Variants in GRID2 observed in about 807,000 individuals in gnomAD.
GRID2 encodes the protein glutamate receptor ionotropic, delta-2.
GRID2 carries 33 observed loss-of-function variants against 114.8 expected under a neutral mutation model. The observed-to-expected ratio is 0.29, with a 90% CI of 0.22 to 0.38. GRID2 has a LOEUF of 0.38. Among genes scored for constraint, GRID2 ranks in the 10% least tolerant of loss-of-function variants. The pLI is 1.00. For synonymous variants in GRID2, 505 were observed against 449.9 expected, an observed-to-expected ratio of 1.12 and a Z score of -1.55; for missense variants, 1,184 against 1,257.7, an observed-to-expected ratio of 0.94 and a Z score of 0.89.
intron 1 of GRID2, among the ~76,000 whole-genome samples, chr4:92,344,822 T>C (rs1727684315): frequency 1.3e-5 from 2 of 152,178 alleles, no homozygotes. Flanking sequence ...CCATCTTCTG[T>C]TTATTAGAAG....
intron 4 of GRID2, among the ~76,000 whole-genome samples, chr4:93,112,453 G>T (rs1045695817): frequency 2.0e-5 from 3 of 152,066 alleles, no homozygotes; most frequent in Non-Finnish European, 4.4e-5. Flanking sequence ...CATGAGATCT[G>T]ATTGTTTAAA....
chr4:92,752,215 G>T (rs1578144022), intron 2 of GRID2, among the ~76,000 whole-genome samples: 1 of 152,264 alleles, frequency 6.6e-6, no homozygotes, highest in East Asian at 1.9e-4. Flanking sequence ...TCAGTAGTGA[G>T]AAAGTCAAGC....
intron 2 of GRID2, among the ~76,000 whole-genome samples, chr4:92,688,066 T>TG (rs1734007206): frequency 7.4e-6 from 1 of 134,956 alleles, no homozygotes; most frequent in Non-Finnish European, 1.6e-5. Flanking sequence ...TTTTTTTTTT[T>TG]GGGATGGAGT....
intron 8 of GRID2, among the ~76,000 whole-genome samples, chr4:93,340,240 C>CTTTTTT (rs33924908): frequency 7.2e-6 from 1 of 139,770 alleles, no homozygotes; most frequent in Non-Finnish European, 1.6e-5. Context: ...TATCTCCTCT[C>CTTTTTT]TTTTTTTTTT....
intron 14 of GRID2, among the ~76,000 whole-genome samples, chr4:93,714,101 C>A (rs145092640): frequency 3.3e-5 from 5 of 152,140 alleles, no homozygotes; most frequent in Non-Finnish European, 7.4e-5. Context: ...CTCCCCCACC[C>A]CCAACAGGCC....
At chr4:92,687,578 C>T (rs1733972136) in intron 2 of GRID2, among the ~76,000 whole-genome samples, 1 of 151,968 alleles carries the variant, frequency 6.6e-6, no homozygotes, top group South Asian at 2.1e-4. Flanking sequence ...GCCTGTAATC[C>T]CAGCACTTGG....
At chr4:93,492,407 G>C (rs905750615) in intron 12 of GRID2, among the ~76,000 whole-genome samples, 10 of 151,782 alleles carry the variant, frequency 6.6e-5, no homozygotes, top group Non-Finnish European at 1.3e-4. Flanking sequence ...CTTAAATCTG[G>C]TTCCTGAGCC....
chr4:93,318,165 A>G (rs1460641918), intron 8 of GRID2, among the ~76,000 whole-genome samples: 3 of 151,440 alleles, frequency 2.0e-5, no homozygotes, highest in African/African-American at 7.3e-5. Context: ...CAATGACTCA[A>G]GTGATTTAAA....
chr4:92,650,822 G>A (rs1222487243), intron 2 of GRID2, among the ~76,000 whole-genome samples: 1 of 151,954 alleles, frequency 6.6e-6, no homozygotes, highest in Non-Finnish European at 1.5e-5. Context: ...GGCTATCAGA[G>A]AAACAGAACC....
chr4:93,025,436 A>G (rs1723791353), intron 2 of GRID2, among the ~76,000 whole-genome samples: 1 of 151,702 alleles, frequency 6.6e-6, no homozygotes, highest in Non-Finnish European at 1.5e-5. Context: ...ATTCTCCTCA[A>G]CCTATGATGT....
intron 1 of GRID2, among the ~76,000 whole-genome samples, chr4:92,377,109 C>T (rs1232114082): frequency 2.0e-5 from 3 of 152,184 alleles, no homozygotes; most frequent in Non-Finnish European, 2.9e-5. Context: ...TTTTCTATCA[C>T]ATTGTCAGCC....
At chr4:92,353,443 G>A (rs575173310) in intron 1 of GRID2, among the ~76,000 whole-genome samples, 1 of 151,942 alleles carries the variant, frequency 6.6e-6, no homozygotes, top group Non-Finnish European at 1.5e-5. Flanking sequence ...ATATTAAAAT[G>A]TGGTAACTGT....
intron 1 of GRID2, among the ~76,000 whole-genome samples, chr4:92,418,170 G>A (rs1371706390): frequency 6.6e-6 from 1 of 152,140 alleles, no homozygotes; most frequent in African/African-American, 2.4e-5. Flanking sequence ...CTTCTCTGAA[G>A]AAGCAGTGAC....
chr4:92,980,028 T>G (rs1167780593), intron 2 of GRID2, among the ~76,000 whole-genome samples: 1 of 152,140 alleles, frequency 6.6e-6, no homozygotes, highest in Admixed American at 6.5e-5. Context: ...GGGTTGTGAT[T>G]TTTTCCAGGT....
chr4:92,824,367 T>TTTTG (rs972237701), intron 2 of GRID2, among the ~76,000 whole-genome samples: 4 of 152,148 alleles, frequency 2.6e-5, no homozygotes, highest in African/African-American at 9.6e-5. Context: ...TCCCCATTTC[T>TTTTG]TTTGTTTGTT....
At chr4:93,300,662 T>C (rs1374364647) in intron 8 of GRID2, among the ~76,000 whole-genome samples, 2 of 152,154 alleles carry the variant, frequency 1.3e-5, no homozygotes, top group Non-Finnish European at 2.9e-5. Context: ...CCCATAATAC[T>C]GTAGCAGGAC....
chr4:92,396,854 G>T (rs1730514289), intron 1 of GRID2, among the ~76,000 whole-genome samples: 1 of 151,968 alleles, frequency 6.6e-6, no homozygotes, highest in Non-Finnish European at 1.5e-5. Context: ...TAGTAGTGTT[G>T]ACCTAGCAAC....
chr4:93,581,885 C>G (rs562246991), intron 13 of GRID2, among the ~76,000 whole-genome samples: 2 of 152,152 alleles, frequency 1.3e-5, no homozygotes, highest in South Asian at 4.2e-4. Flanking sequence ...AAAGAGATGC[C>G]ATGTTCTCTT....
chr4:93,757,228 A>G (rs1212584367), intron 14 of GRID2, among the ~76,000 whole-genome samples: 3 of 152,212 alleles, frequency 2.0e-5, no homozygotes, highest in Non-Finnish European at 4.4e-5. Flanking sequence ...AAAAAGAAAG[A>G]AAAACACCAC....
Sources: allele counts gnomAD v4.1 joint callset (sites outside exome capture counted in the v4.1 genomes callset), GRCh38; gene constraint gnomAD v4.1.1; transcripts MANE v1.5; gene names NCBI Gene and HGNC (gene_info 2026-07-23, HGNC 2026-07-21).